The following TMEM87A variants were observed in gnomAD, a reference collection of about 807,000 sequenced individuals.
TMEM87A encodes Golgi-pH regulating cation channel.
In TMEM87A, 50 loss-of-function variants were observed where a neutral mutation model predicts 90.0. That is an observed-to-expected ratio of 0.56 (90% CI 0.44 to 0.70). The LOEUF is 0.70. TMEM87A is among the 30% of genes least tolerant of loss of function. The probability of loss-of-function intolerance (pLI) is 0.00; values close to 1 mark genes in which losing one functional copy is unlikely to be tolerated. For missense variants in TMEM87A, 577 were observed against 660.5 expected (o/e 0.87, Z 1.39); for synonymous variants, 226 against 226.7 (o/e 1.00, Z 0.03).
intron 6 of TMEM87A, among the ~76,000 whole-genome samples, chr15:42,252,267 A>G (rs2051101226): frequency 6.6e-6 from 1 of 152,070 alleles, no homozygotes; most frequent in South Asian, 2.1e-4. Flanking sequence ...CTGTCCAACC[A>G]TTCCCAGTGA....
chr15:42,238,344 G>A (rs954159772), intron 8 of TMEM87A, among the ~76,000 whole-genome samples: 3 of 152,040 alleles, frequency 2.0e-5, no homozygotes, highest in Non-Finnish European at 2.9e-5. Context: ...GAGATGGGCA[G>A]ATTACTTGAG....
chr15:42,215,652 AT>A (rs1156808297), intron 19 of TMEM87A, among the ~76,000 whole-genome samples: 1 of 152,182 alleles, frequency 6.6e-6, no homozygotes, highest in Non-Finnish European at 1.5e-5. Context: ...AATGCTCATC[AT>A]CACTAATCAT....
chr15:42,226,102 C>T (rs931043221), intron 15 of TMEM87A, among the ~76,000 whole-genome samples: 5 of 151,930 alleles, frequency 3.3e-5, no homozygotes, highest in Non-Finnish European at 7.4e-5. Flanking sequence ...CAGGTTCAAG[C>T]GATTCTCCTG....
intron 6 of TMEM87A, chr15:42,258,074 A>C: frequency 5.1e-6 from 5 of 977,240 alleles, no homozygotes; most frequent in Non-Finnish European, 6.1e-6. Context: ...CACTGCATAA[A>C]ATTCCAAGAT....
At chr15:42,261,043 T>A (rs2051280103) in intron 5 of TMEM87A, 41 bp from the exon 6 acceptor site, 3 of 1,576,886 alleles carry the variant, frequency 1.9e-6, no homozygotes, top group Admixed American at 1.8e-5. Flanking sequence ...ATTCAGAACT[T>A]CTTGTTTTTA....
At chr15:42,221,374 T>C (rs548926787) in intron 15 of TMEM87A, among the ~76,000 whole-genome samples, 2 of 152,318 alleles carry the variant, frequency 1.3e-5, no homozygotes, top group East Asian at 3.9e-4. Context: ...AAGCTGTATA[T>C]ATTTTTAAAA....
At chr15:42,231,515 T>C (rs939264304) in intron 11 of TMEM87A, among the ~76,000 whole-genome samples, 22 of 152,346 alleles carry the variant, frequency 1.4e-4, no homozygotes, top group African/African-American at 5.1e-4. Flanking sequence ...GTTTTTCATA[T>C]ATAAAGATCC....
intron 7 of TMEM87A, 123 bp from the exon 8 acceptor site, chr15:42,239,854 A>G (rs1595726242): frequency 2.5e-6 from 2 of 792,474 alleles, no homozygotes; most frequent in East Asian, 4.9e-5. Flanking sequence ...TAGGCACTTC[A>G]ATCCTGGTCA....
At chr15:42,243,246 C>T (rs1019524312) in intron 7 of TMEM87A, among the ~76,000 whole-genome samples, 2 of 149,490 alleles carry the variant, frequency 1.3e-5, no homozygotes, top group South Asian at 4.2e-4. Flanking sequence ...CTAGCCTGGG[C>T]GACAGAGTGA....
At chr15:42,256,366 C>G (rs1425690780) in intron 6 of TMEM87A, among the ~76,000 whole-genome samples, 2 of 152,146 alleles carry the variant, frequency 1.3e-5, no homozygotes, top group African/African-American at 2.4e-5. Context: ...GTCTCAAACC[C>G]TGGCTTCAAG....
intron 6 of TMEM87A, among the ~76,000 whole-genome samples, chr15:42,259,338 G>A (rs1230637982): frequency 1.3e-5 from 2 of 152,140 alleles, no homozygotes; most frequent in Non-Finnish European, 2.9e-5. Flanking sequence ...GGCCAGGCTG[G>A]TGTCAAACTC....
intron 15 of TMEM87A, among the ~76,000 whole-genome samples, chr15:42,221,300 A>G (rs1308204279): frequency 6.6e-6 from 1 of 150,962 alleles, no homozygotes; most frequent in African/African-American, 2.5e-5. Flanking sequence ...AGAGAGACAG[A>G]GAGAGAGAGA....
At chr15:42,245,100 T>C (rs2050947649) in intron 6 of TMEM87A, among the ~76,000 whole-genome samples, 1 of 152,124 alleles carries the variant, frequency 6.6e-6, no homozygotes, top group Admixed American at 6.5e-5. Context: ...CAAAGCAGAC[T>C]AAACAATTCT....
Position 42,218,362 on chromosome 15 carries a change from T to C in TMEM87A, c.1556A>G (p.Lys519Arg), listed in dbSNP as rs1223295928. ...KVNKAQEDDLKWVEENVPSSV... is the reference protein window; with the variant it reads ...KVNKAQEDDLRWVEENVPSSV... ...AGAAGGAACATTCTCTTCTACCCAC[T>C]TCAAATCATCTTCCTGCTGGGAACA... The change falls in exon 18 of 20, where the codon AAG becomes AGG. Residue 519 changes from lysine (K) to arginine (R), a missense_variant. Lys to Arg is a conservative substitution (Grantham distance 26). Transcript: ENST00000389834. 1.9e-6 allele frequency: 3 copies of C among 1,613,672 alleles called. No individual in the cohort carries two copies. Among genetic ancestry groups the C allele is most frequent in the Non-Finnish European group, 1.7e-6 (2 of 1,179,820 alleles).
At position 42,218,285 on chromosome 15, in the gene TMEM87A, T is replaced by G; in HGVS notation, c.1595+38A>C. ...AATAATAACAAAGTAGTACTAACTTTGAAATAGGATTCTTGTGGTAATCAT... is the reference window on the plus strand; with the variant it reads ...AATAATAACAAAGTAGTACTAACTTGGAAATAGGATTCTTGTGGTAATCAT... On this transcript the variant is annotated intron_variant, in intron 18 of 19. Coordinates refer to ENST00000389834, the MANE Select transcript of TMEM87A (RefSeq NM_015497.5). 3.7e-6 allele frequency: 6 copies of G among 1,605,990 alleles called. No individual in the cohort carries two copies. The South Asian group carries it at 6.6e-5, about 18-fold the overall frequency.
intron 2 of TMEM87A, chr15:42,271,466 G>C (rs996117188): frequency 1.2e-4 from 18 of 152,162 alleles, no homozygotes; most frequent in African/African-American, 4.3e-4. Flanking sequence ...TTCAGTAAAT[G>C]AAAGACTACA....
intron 8 of TMEM87A, among the ~76,000 whole-genome samples, chr15:42,238,181 A>G (rs2140943539): frequency 6.6e-6 from 1 of 152,232 alleles, no homozygotes. Flanking sequence ...TCACACCTGC[A>G]ATAGTGCTTT....
At chr15:42,212,201 T>G (rs769202979) in intron 19 of TMEM87A, among the ~76,000 whole-genome samples, 3 of 152,202 alleles carry the variant, frequency 2.0e-5, no homozygotes, top group Non-Finnish European at 4.4e-5. Context: ...TTAAAAATCA[T>G]GTAAAAAATA....
At chr15:42,238,077 C>T (rs1338059222) in intron 8 of TMEM87A, among the ~76,000 whole-genome samples, 2 of 150,666 alleles carry the variant, frequency 1.3e-5, no homozygotes, top group African/African-American at 4.9e-5. Context: ...AAGGTGCTCT[C>T]TATTATACAC....
Sources: allele counts gnomAD v4.1 joint callset (sites outside exome capture counted in the v4.1 genomes callset), GRCh38; gene constraint gnomAD v4.1.1; transcripts MANE v1.5; gene names NCBI Gene and HGNC (gene_info 2026-07-23, HGNC 2026-07-21).